Variants in DLGAP1 observed in about 807,000 individuals in gnomAD.
DLGAP1 encodes the protein disks large-associated protein 1.
Under a neutral mutation model 90.8 loss-of-function variants are expected in DLGAP1, and 11 were observed. That is an observed-to-expected ratio of 0.12 (90% confidence interval 0.08 to 0.20). The LOEUF (loss-of-function observed/expected upper bound fraction) is 0.20, where lower values mean the gene tolerates loss of function less well. Ranked by LOEUF, DLGAP1 falls within the 10% of genes least tolerant of loss-of-function variation. The pLI is 1.00. For missense variants in DLGAP1, 1,050 were observed against 1,333.8 expected, an observed-to-expected ratio of 0.79 and a Z score of 3.31; for synonymous variants, 558 against 540.7, an observed-to-expected ratio of 1.03 and a Z score of -0.44.
At chr18:3,604,736 T>A (rs2057245079) in intron 7 of DLGAP1, among the ~76,000 whole-genome samples, 1 of 152,148 alleles carries the variant, frequency 6.6e-6, no homozygotes, top group African/African-American at 2.4e-5. Context: ...CACAGCAACT[T>A]CCTTAACTCA....
At chr18:4,214,466 A>G (rs2077910232) in intron 1 of DLGAP1, among the ~76,000 whole-genome samples, 2 of 152,180 alleles carry the variant, frequency 1.3e-5, no homozygotes, top group Admixed American at 1.3e-4. Context: ...CAGAGGATAC[A>G]GTGGTAAATC....
intron 1 of DLGAP1, among the ~76,000 whole-genome samples, chr18:4,273,570 G>A (rs780713654): frequency 3.9e-5 from 6 of 152,184 alleles, no homozygotes; most frequent in Non-Finnish European, 8.8e-5. Context: ...AGCCTCCTGA[G>A]TGGCTATGAC....
At chr18:4,390,240 T>A (rs950842130) in intron 1 of DLGAP1, among the ~76,000 whole-genome samples, 2 of 152,108 alleles carry the variant, frequency 1.3e-5, no homozygotes, top group African/African-American at 4.8e-5. Context: ...AGTTTTAGGT[T>A]CACAGGAAAA....
chr18:4,374,032 T>C (rs912693328), intron 1 of DLGAP1, among the ~76,000 whole-genome samples: 1 of 152,200 alleles, frequency 6.6e-6, no homozygotes, highest in African/African-American at 2.4e-5. Flanking sequence ...TTTCACTCTA[T>C]AGATGTAAAG....
Position 4,095,227 on chromosome 18 carries a change from T to A in DLGAP1, c.-159+55953A>T, listed in dbSNP as rs192061203. Among the ~76,000 whole-genome samples, 28 of 152,270 alleles carry A rather than the reference T, an allele frequency of 1.8e-4. No homozygotes were observed. In the East Asian group the frequency reaches 5.2e-3, roughly 28 times the overall value. On this transcript the variant is annotated intron_variant, in intron 2 of 12. Transcript: ENST00000315677. ...AAGAGTGGGACTTTTGAAAGAGATT[T>A]TTTTTCCGGTTTCATAAATTTGTGC...
chr18:4,333,867 C>T (rs970937353), intron 1 of DLGAP1, among the ~76,000 whole-genome samples: 3 of 150,972 alleles, frequency 2.0e-5, no homozygotes, highest in South Asian at 2.1e-4. Flanking sequence ...CCCAAAGTGC[C>T]GGGACCACAG....
intron 3 of DLGAP1, among the ~76,000 whole-genome samples, chr18:3,891,692 A>G (rs914249199): frequency 2.6e-5 from 4 of 152,182 alleles, no homozygotes; most frequent in Admixed American, 2.0e-4. Context: ...ACAACCCAAT[A>G]TGGTACGGAC....
At chr18:4,298,464 T>C (rs972653092) in intron 1 of DLGAP1, among the ~76,000 whole-genome samples, 3 of 152,192 alleles carry the variant, frequency 2.0e-5, no homozygotes, top group Non-Finnish European at 4.4e-5. Context: ...TGAGTTCATG[T>C]CCTTTGTAGG....
intron 3 of DLGAP1, among the ~76,000 whole-genome samples, chr18:3,919,914 CAG>C (rs1387300010): frequency 1.3e-5 from 2 of 152,192 alleles, no homozygotes; most frequent in African/African-American, 4.8e-5. Context: ...CACTGTGAAA[CAG>C]AGGCGCAGTT....
At chr18:4,341,992 A>G (rs2081199675) in intron 1 of DLGAP1, among the ~76,000 whole-genome samples, 1 of 152,098 alleles carries the variant, frequency 6.6e-6, no homozygotes, top group African/African-American at 2.4e-5. Flanking sequence ...ATCTCATTTT[A>G]TCCACAAGTA....
intron 2 of DLGAP1, among the ~76,000 whole-genome samples, chr18:4,121,555 C>T (rs1222997105): frequency 6.6e-6 from 1 of 152,120 alleles, no homozygotes; most frequent in African/African-American, 2.4e-5. Context: ...TCCTGGCCTG[C>T]CTTCATCAAG....
intron 1 of DLGAP1, among the ~76,000 whole-genome samples, chr18:4,322,105 C>A (rs1448663603): frequency 6.6e-6 from 1 of 151,874 alleles, no homozygotes; most frequent in African/African-American, 2.4e-5. Context: ...GAGGCTGAGG[C>A]ATGAGAATGG....
At chr18:3,552,436 A>T (rs1281320954) in intron 9 of DLGAP1, among the ~76,000 whole-genome samples, 1 of 152,072 alleles carries the variant, frequency 6.6e-6, no homozygotes, top group Admixed American at 6.6e-5. Flanking sequence ...CTGGGCTTTC[A>T]TCTTGCAAAA....
intron 5 of DLGAP1, among the ~76,000 whole-genome samples, chr18:3,798,363 T>C (rs556407041): frequency 6.6e-6 from 1 of 152,292 alleles, no homozygotes; most frequent in Non-Finnish European, 1.5e-5. Flanking sequence ...TGCTTCATGG[T>C]CAGCCAGTGA....
At chr18:4,173,649 A>G (rs12959196) in intron 1 of DLGAP1, among the ~76,000 whole-genome samples, 14,233 of 152,236 alleles carry the variant, frequency 0.093, 853 homozygotes, top group East Asian at 0.27. Context: ...AGCCTAGCCC[A>G]GTCGTAGACT....
At position 4,265,679 on chromosome 18, in the gene DLGAP1, T is replaced by C. The variant is rs868702835; in HGVS notation, c.-266-114392A>G. Reference sequence around the variant, plus strand: ...TCCCTCCCTCCCTTCCTTCCTTCCTTCCTTCCTTCCTTCCTTCCTTCCCTC... The same window carrying C: ...TCCCTCCCTCCCTTCCTTCCTTCCTCCCTTCCTTCCTTCCTTCCTTCCCTC... On this transcript the variant is annotated intron_variant, in intron 1 of 12. Coordinates refer to ENST00000315677, the MANE Select transcript of DLGAP1 (RefSeq NM_004746.4). Among the ~76,000 whole-genome samples the C allele has an allele frequency of 7.1e-4, 69 of 97,818 alleles. 2 individuals carry two copies. The highest frequency in any genetic ancestry group is 2.2e-3 in the African/African-American group (43 of 19,170). The allele number at this position is 97,818 out of a possible 152,430, so 64.2% of individuals were successfully genotyped here.
chr18:4,381,226 A>T (rs748528444), intron 1 of DLGAP1, among the ~76,000 whole-genome samples: 3 of 152,158 alleles, frequency 2.0e-5, no homozygotes, highest in Non-Finnish European at 2.9e-5. Context: ...TATCTATTGG[A>T]GTGGGCCTAC....
intron 7 of DLGAP1, among the ~76,000 whole-genome samples, chr18:3,677,435 C>T (rs368492303): frequency 6.6e-6 from 1 of 152,226 alleles, no homozygotes; most frequent in Non-Finnish European, 1.5e-5. Context: ...CTGTCCTCTT[C>T]CCTACCAGTT....
At chr18:4,066,184 G>T (rs1484855541) in intron 2 of DLGAP1, among the ~76,000 whole-genome samples, 1 of 152,028 alleles carries the variant, frequency 6.6e-6, no homozygotes, top group Non-Finnish European at 1.5e-5. Context: ...GGATTTAAAT[G>T]TAAAATCCAA....
Sources: allele counts gnomAD v4.1 joint callset (sites outside exome capture counted in the v4.1 genomes callset), GRCh38; gene constraint gnomAD v4.1.1; transcripts MANE v1.5; gene names NCBI Gene and HGNC (gene_info 2026-07-23, HGNC 2026-07-21).